FBXO28: variants seen among roughly 807,000 people sequenced by gnomAD.
The protein encoded by FBXO28 is F-box only protein 28.
Under a neutral mutation model 38.1 loss-of-function variants are expected in FBXO28, and 8 were observed. The observed-to-expected ratio is 0.21, with a 90% CI of 0.12 to 0.38. FBXO28 has a LOEUF of 0.38. Ranked by LOEUF, FBXO28 falls within the 10% of genes least tolerant of loss-of-function variation. FBXO28 has a pLI of 1.00. For synonymous variants in FBXO28, 168 were observed against 173.8 expected, an observed-to-expected ratio of 0.97 and a Z score of 0.26; for missense variants, 345 against 460.6, an observed-to-expected ratio of 0.75 and a Z score of 2.30.
At position 224,161,660 on chromosome 1, in the gene FBXO28, T is replaced by C. The variant is rs1159328018; in HGVS notation, c.*3914T>C. The C allele has an allele frequency of 6.6e-6, 1 of 152,214 alleles. No individual in the cohort carries two copies. The highest frequency in any genetic ancestry group is 2.4e-5 in the African/African-American group (1 of 41,456). 9.4% of individuals were successfully genotyped at this position (152,214 alleles called of 1,614,324 possible). ...TTTACTTTTAATAGCAATACAGTTA[T>C]ATTGGTGATAAATATGACAGGCTTA... On this transcript the variant is annotated 3_prime_UTR_variant, in exon 5 of 5. Coordinates refer to ENST00000366862, the MANE Select transcript of FBXO28 (RefSeq NM_015176.4).
chr1:224,146,589 CTG>C (rs1232629108), intron 3 of FBXO28, among the ~76,000 whole-genome samples: 2 of 152,146 alleles, frequency 1.3e-5, no homozygotes, highest in East Asian at 3.9e-4. Context: ...TTTGTAGAGA[CTG>C]TTTCTAGCTA....
intron 2 of FBXO28, 101 bp from the exon 3 acceptor site, chr1:224,133,973 A>G (rs1657118210): frequency 2.6e-6 from 2 of 774,242 alleles, no homozygotes; most frequent in Non-Finnish European, 1.9e-6. Flanking sequence ...CTAAATTAAC[A>G]TGTAAAAGAC....
intron 1 of FBXO28, among the ~76,000 whole-genome samples, chr1:224,118,182 C>T (rs772969155): frequency 5.9e-5 from 9 of 151,936 alleles, no homozygotes; most frequent in Non-Finnish European, 1.2e-4. Context: ...AACTCCTAGG[C>T]TCAAGTGGTC....
At chr1:224,139,764 G>GCGTGCATGCATACATA (rs1553290701) in intron 3 of FBXO28, among the ~76,000 whole-genome samples, 4 of 145,936 alleles carry the variant, frequency 2.7e-5, no homozygotes, top group Admixed American at 7.0e-5. Flanking sequence ...ATGCATGCAT[G>GCGTGCATGCATACATA]CATACATACA....
Position 224,161,306 on chromosome 1 carries a change from A to T in FBXO28, c.*3560A>T, listed in dbSNP as rs1252008887. The T allele has an allele frequency of 6.6e-6, 1 of 152,230 alleles. No individual in the cohort carries two copies. The highest frequency in any genetic ancestry group is 2.4e-5 in the African/African-American group (1 of 41,452). The allele number at this position is 152,230 out of a possible 1,614,324, so 9.4% of individuals were successfully genotyped here. On this transcript the variant is annotated 3_prime_UTR_variant, in exon 5 of 5. Coordinates refer to ENST00000366862, the MANE Select transcript of FBXO28 (RefSeq NM_015176.4). ...CACATTCTTATATCCTGCTCTAGCA[A>T]TGAGTACCCATTTGTTACACTTACC... is the stretch of plus-strand genomic sequence containing the variant.
chr1:224,154,543 T>A (rs1363365976), intron 4 of FBXO28, among the ~76,000 whole-genome samples: 1 of 151,842 alleles, frequency 6.6e-6, no homozygotes, highest in Non-Finnish European at 1.5e-5. Flanking sequence ...GCGCGGTGGC[T>A]CATGCCTGTA....
intron 4 of FBXO28, among the ~76,000 whole-genome samples, chr1:224,155,634 A>C (rs1488920295): frequency 2.0e-5 from 3 of 152,240 alleles, no homozygotes; most frequent in Non-Finnish European, 4.4e-5. Flanking sequence ...TAAATTAGGA[A>C]AGAATTTAGT....
chr1:224,130,322 A>G (rs577648578), intron 1 of FBXO28, 150 bp from the exon 2 acceptor site: 18 of 539,942 alleles, frequency 3.3e-5, no homozygotes, highest in African/African-American at 5.8e-5. Flanking sequence ...AGCCTGGGCG[A>G]CAGAGTGAGA....
chr1:224,160,901 A>G lies in FBXO28; in HGVS notation c.*3155A>G, dbSNP rs1209300249. 1 of 152,222 alleles carries G rather than the reference A, an allele frequency of 6.6e-6. No individual in the cohort carries two copies. Among genetic ancestry groups the G allele is most frequent in the Non-Finnish European group, 1.5e-5 (1 of 68,042 alleles). The allele number at this position is 152,222 out of a possible 1,614,324, so 9.4% of individuals were successfully genotyped here. On this transcript the variant is annotated 3_prime_UTR_variant, in exon 5 of 5. Coordinates refer to ENST00000366862, the MANE Select transcript of FBXO28 (RefSeq NM_015176.4). ...TAAGTAATGCCTAAATTAATAAGCT[A>G]AAAGGTGTCACTACAGCTGGATTTT... is the stretch of plus-strand genomic sequence containing the variant.
At chr1:224,140,513 A>T (rs1486935909) in intron 3 of FBXO28, among the ~76,000 whole-genome samples, 2 of 152,154 alleles carry the variant, frequency 1.3e-5, no homozygotes, top group African/African-American at 4.8e-5. Context: ...TGTTTCTTTT[A>T]AAGTTGATTT....
At chr1:224,139,798 A>ATACATACG in intron 3 of FBXO28, among the ~76,000 whole-genome samples, 1 of 151,812 alleles carries the variant, frequency 6.6e-6, no homozygotes, top group Admixed American at 6.6e-5. Flanking sequence ...ACATACATAC[A>ATACATACG]TACATTTTGG....
chr1:224,134,357 T>A (rs1175712038), intron 3 of FBXO28, 145 bp downstream of exon 3: 1 of 592,370 alleles, frequency 1.7e-6, no homozygotes, highest in Non-Finnish European at 2.8e-6. Flanking sequence ...TCTGTACAGT[T>A]ATAAATATGT....
In FBXO28 at chr1:224,120,103, A is replaced by C. The variant is rs184700950; in HGVS notation, c.267+5707A>C. 4.4e-4 allele frequency among the ~76,000 whole-genome samples: 67 copies of C among 152,364 alleles called. No individual in the cohort carries two copies. The East Asian group carries it at 0.013, about 28-fold the overall frequency. On this transcript the variant is annotated intron_variant, in intron 1 of 4. Transcript: ENST00000366862. ...TAAACTGAGTAGTATGAATTCTTAC[A>C]AAATTGAAGAAGATACTATGTTAAA...
chr1:224,119,327 C>T (rs906834888), intron 1 of FBXO28, among the ~76,000 whole-genome samples: 1 of 150,844 alleles, frequency 6.6e-6, no homozygotes, highest in Admixed American at 6.6e-5. Context: ...TTAGTAGAGA[C>T]GGGGTTTCAC....
chr1:224,152,803 A>G (rs1572026254), intron 3 of FBXO28, among the ~76,000 whole-genome samples: 3 of 151,888 alleles, frequency 2.0e-5, no homozygotes, highest in Admixed American at 2.0e-4. Context: ...ATGGCGGGCA[A>G]CTGTAATCCC....
intron 3 of FBXO28, among the ~76,000 whole-genome samples, chr1:224,145,229 G>A (rs143070315): frequency 1.2e-3 from 161 of 133,354 alleles, no homozygotes; most frequent in Admixed American, 9.5e-3. Context: ...GGGAGGCAGA[G>A]GTTTCAGTGA....
intron 4 of FBXO28, among the ~76,000 whole-genome samples, chr1:224,154,743 GC>G (rs1159008212): frequency 5.9e-5 from 9 of 151,648 alleles, no homozygotes; most frequent in Admixed American, 2.0e-4. Context: ...AGGAGGCGGA[GC>G]TTGCAGTGAG....
chr1:224,158,245 G>C lies in FBXO28; in HGVS notation c.*499G>C. 1.0e-6 allele frequency: 1 copy of C among 985,308 alleles called. No homozygotes were observed. The highest frequency in any genetic ancestry group is 1.2e-6 in the Non-Finnish European group (1 of 829,708). The allele number at this position is 985,308 out of a possible 1,614,324, so 61.0% of individuals were successfully genotyped here. A position where few individuals can be genotyped will look rare whatever the true frequency, so the allele number is the denominator to read the frequency against. On this transcript the variant is annotated 3_prime_UTR_variant, in exon 5 of 5. Coordinates refer to ENST00000366862, the MANE Select transcript of FBXO28 (RefSeq NM_015176.4). ...GTCTGAAAAGTAGTTAATGCTTTTT[G>C]GTATTGAAGTAATGGGTAACTAAAA...
chr1:224,148,928 C>T (rs895297996), intron 3 of FBXO28, among the ~76,000 whole-genome samples: 2 of 152,262 alleles, frequency 1.3e-5, no homozygotes, highest in Non-Finnish European at 2.9e-5. Flanking sequence ...TGTTTTCACA[C>T]AGCACTTTGC....
Sources: gnomAD v4.1 joint callset for allele counts (sites outside exome capture counted in the v4.1 genomes callset) on GRCh38, gnomAD v4.1.1 for gene constraint, MANE v1.5 for transcripts, NCBI Gene and HGNC (gene_info 2026-07-23, HGNC 2026-07-21) for gene names.